LMAN1: variants seen among roughly 807,000 people sequenced by gnomAD.
The protein encoded by LMAN1 is protein ERGIC-53.
A neutral mutation model predicts 67.8 loss-of-function variants in LMAN1; 32 were observed. The observed-to-expected ratio is 0.47, with a 90% CI of 0.36 to 0.63. LMAN1 has a LOEUF of 0.63. LMAN1 is among the 30% of genes least tolerant of loss of function. The pLI is 0.00. For synonymous variants in LMAN1, 235 were observed against 219.3 expected, an observed-to-expected ratio of 1.07 and a Z score of -0.63; for missense variants, 632 against 628.2, an observed-to-expected ratio of 1.01 and a Z score of -0.06.
intron 1 of LMAN1, among the ~76,000 whole-genome samples, chr18:59,358,663 T>A (rs937654727): frequency 1.3e-5 from 2 of 151,958 alleles, no homozygotes; most frequent in Admixed American, 1.3e-4. Context: ...GTAGGGCACA[T>A]TTCTCCTAGA....
chr18:59,334,307 A>G (rs764260542), intron 10 of LMAN1, among the ~76,000 whole-genome samples: 3 of 152,184 alleles, frequency 2.0e-5, no homozygotes, highest in African/African-American at 4.8e-5. Context: ...CATTTATTTC[A>G]TAAGTGCTGT....
At chr18:59,336,299 G>C (rs963488417) in intron 10 of LMAN1, among the ~76,000 whole-genome samples, 5 of 152,158 alleles carry the variant, frequency 3.3e-5, no homozygotes, top group African/African-American at 1.2e-4. Flanking sequence ...GAAAATACAA[G>C]ATGACCCTAG....
At chr18:59,335,333 T>C (rs1205905857) in intron 10 of LMAN1, among the ~76,000 whole-genome samples, 1 of 150,824 alleles carries the variant, frequency 6.6e-6, no homozygotes, top group Non-Finnish European at 1.5e-5. Flanking sequence ...GGCGGGAGGC[T>C]GAGGCAGAAG....
Position 59,328,911 on chromosome 18 carries a change from G to C in LMAN1, c.*2182C>G, listed in dbSNP as rs1218310250. On this transcript the variant is annotated 3_prime_UTR_variant, in exon 13 of 13. Coordinates refer to ENST00000251047, the MANE Select transcript of LMAN1 (RefSeq NM_005570.4). ...TTTTCCTTTTAAAAGTGGCATCATAGACACAATGACTTACATAAAAATTTT... is the reference window on the plus strand; with the variant it reads ...TTTTCCTTTTAAAAGTGGCATCATACACACAATGACTTACATAAAAATTTT... The C allele has an allele frequency of 1.3e-5, 2 of 152,146 alleles. No homozygotes were observed. The highest frequency in any genetic ancestry group is 2.4e-5 in the African/African-American group (1 of 41,426). 9.4% of individuals were successfully genotyped at this position (152,146 alleles called of 1,614,324 possible). A position where few individuals can be genotyped will look rare whatever the true frequency, so the allele number is the denominator to read the frequency against.
At position 59,354,561 on chromosome 18, in the gene LMAN1, A is replaced by G; in HGVS notation, c.497T>C (p.Val166Ala). Residue 166 changes from valine (V) to alanine (A), a missense_variant, in exon 4 of 13, where the codon GTA becomes GCA. Coordinates refer to ENST00000251047, the MANE Select transcript of LMAN1 (RefSeq NM_005570.4). ...GATTTGTCCATTGTTGCCTATAATT[A>G]CTATAGCAGGATTATTTTTCTAAAA... ...NDGKKNNPAIVIIGNNGQIHY... is the reference protein window; with the variant it reads ...NDGKKNNPAIAIIGNNGQIHY... 6.7e-7 allele frequency: 1 copy of G among 1,493,516 alleles called. No homozygotes were observed. Among genetic ancestry groups the G allele is most frequent in the Non-Finnish European group, 9.3e-7 (1 of 1,072,514 alleles). 92.5% of individuals were successfully genotyped at this position (1,493,516 alleles called of 1,614,324 possible). A position where few individuals can be genotyped will look rare whatever the true frequency, so the allele number is the denominator to read the frequency against.
chr18:59,348,276 C>T (rs41511147), intron 6 of LMAN1, among the ~76,000 whole-genome samples: 2,019 of 152,270 alleles, frequency 0.013, 51 homozygotes, highest in African/African-American at 0.046. Context: ...ACTGTTTTTA[C>T]GGAATCTAGA....
chr18:59,330,448 T>C lies in LMAN1; in HGVS notation c.*645A>G, dbSNP rs767296743. Reference sequence around the variant, plus strand: ...GGAATGTTTCCACCCACAAGGTTTTTTAGGCAAAAAGCAGCTATTAATTTT... The same window carrying C: ...GGAATGTTTCCACCCACAAGGTTTTCTAGGCAAAAAGCAGCTATTAATTTT... On this transcript the variant is annotated 3_prime_UTR_variant, in exon 13 of 13. Transcript: ENST00000251047. The C allele has an allele frequency of 6.6e-6, 1 of 152,442 alleles. No homozygotes were observed. Among genetic ancestry groups the C allele is most frequent in the Admixed American group, 6.5e-5 (1 of 15,272 alleles). 9.4% of individuals were successfully genotyped at this position (152,442 alleles called of 1,614,324 possible).
chr18:59,338,675 G>A, intron 9 of LMAN1, 48 bp from the exon 10 acceptor site: 2 of 1,602,594 alleles, frequency 1.2e-6, no homozygotes, highest in Admixed American at 3.3e-5. Context: ...CACATTCTAT[G>A]AGCACATAGT....
chr18:59,349,548 C>A (rs980375609), intron 5 of LMAN1, among the ~76,000 whole-genome samples: 4 of 152,132 alleles, frequency 2.6e-5, no homozygotes, highest in African/African-American at 9.7e-5. Flanking sequence ...ATGGTTCATG[C>A]AGCAGAGGGA....
chr18:59,359,135 G>C lies in LMAN1; in HGVS notation c.110C>G (p.Pro37Arg), dbSNP rs1908737329. 1 of 1,614,110 alleles carries C rather than the reference G, an allele frequency of 6.2e-7. No individual in the cohort carries two copies. Among genetic ancestry groups the C allele is most frequent in the African/African-American group, 1.3e-5 (1 of 75,056 alleles). The change falls in exon 1 of 13, where the codon CCC (proline) becomes CGC (arginine). Residue 37 changes from proline (P) to arginine (R), a missense_variant. Coordinates refer to ENST00000251047, the MANE Select transcript of LMAN1 (RefSeq NM_005570.4). ...ACGGCGATGTGGCAACGCGACCGCGGGGTCTCCTCCCACGCCGTCGCCCCG... is the reference window on the plus strand; with the variant it reads ...ACGGCGATGTGGCAACGCGACCGCGCGGTCTCCTCCCACGCCGTCGCCCCG... ...FVRGDGVGGD[P>R]AVALPHRRFE...
Position 59,333,212 on chromosome 18 carries a change from C to G in LMAN1, c.1253G>C (p.Ser418Thr), listed in dbSNP as rs767237105. 29 of 1,613,512 alleles carry G rather than the reference C, an allele frequency of 1.8e-5. No individual in the cohort carries two copies. Among genetic ancestry groups the G allele is most frequent in the Non-Finnish European group, 2.3e-5 (27 of 1,179,748 alleles). ...NSMSETVRLV[S>T]GMQHPGSAGG... Reference sequence around the variant, plus strand: ...AGCAGAGCCAGGGTGCTGCATTCCACTGACCAGTCTGACGGTTTCACTCAT... The same window carrying G: ...AGCAGAGCCAGGGTGCTGCATTCCAGTGACCAGTCTGACGGTTTCACTCAT... Residue 418 changes from serine (S) to threonine (T), a missense_variant, in exon 11 of 13, where the codon AGT becomes ACT. Transcript: ENST00000251047.
chr18:59,343,250 C>G (rs1908328318), intron 8 of LMAN1, among the ~76,000 whole-genome samples: 1 of 151,402 alleles, frequency 6.6e-6, no homozygotes, highest in Admixed American at 6.6e-5. Flanking sequence ...GTTCTAGACA[C>G]TCCCAATCAA....
intron 8 of LMAN1, among the ~76,000 whole-genome samples, chr18:59,344,551 T>A (rs1016777518): frequency 1.3e-5 from 2 of 152,134 alleles, no homozygotes; most frequent in South Asian, 2.1e-4. Context: ...CCAAGTGAAA[T>A]GACTTAGAAA....
chr18:59,334,440 TGCATTTA>T (rs1175544434), intron 10 of LMAN1, among the ~76,000 whole-genome samples: 1 of 152,194 alleles, frequency 6.6e-6, no homozygotes, highest in Admixed American at 6.5e-5. Flanking sequence ...CAAAGAAAGA[TGCATTTA>T]GCTGAGTGTC....
At chr18:59,350,395 C>T (rs772132132) in intron 5 of LMAN1, among the ~76,000 whole-genome samples, 6 of 152,160 alleles carry the variant, frequency 3.9e-5, no homozygotes, top group Non-Finnish European at 8.8e-5. Flanking sequence ...ATTCAAATTA[C>T]AATACTAAAA....
At chr18:59,333,308 T>G (rs2144209409) in intron 10 of LMAN1, 64 bp from the exon 11 acceptor site, 2 of 1,243,764 alleles carry the variant, frequency 1.6e-6, no homozygotes, top group East Asian at 4.9e-5. Context: ...CAGTCACAGA[T>G]CTCCAATACT....
In LMAN1 at chr18:59,331,535, G is replaced by C; in HGVS notation, c.1379C>G (p.Ser460Ter). ...IDNLVQRNMP[S>*]NEKPKCPELP... ...TTCTGGGCATTTCGGCTTTTCATTTGATGGCTGTAAGGCAAATGACTTTCT... is the reference window on the plus strand; with the variant it reads ...TTCTGGGCATTTCGGCTTTTCATTTCATGGCTGTAAGGCAAATGACTTTCT... Residue 460 changes from serine (S) to a stop codon, truncating the protein, a stop_gained, in exon 12 of 13, where the codon TCA becomes TGA. Coordinates refer to ENST00000251047, the MANE Select transcript of LMAN1 (RefSeq NM_005570.4). LOFTEE classifies it high-confidence loss of function. 6.2e-7 allele frequency: 1 copy of C among 1,613,148 alleles called. No homozygotes were observed. The highest frequency in any genetic ancestry group is 1.1e-5 in the South Asian group (1 of 91,062).
In LMAN1 at chr18:59,345,958, C is replaced by T; in HGVS notation, c.916G>A (p.Glu306Lys). 6.2e-7 allele frequency: 1 copy of T among 1,613,900 alleles called. No individual in the cohort carries two copies. The highest frequency in any genetic ancestry group is 1.3e-5 in the African/African-American group (1 of 74,978). The change falls in exon 8 of 13, where the codon GAA becomes AAA. Residue 306 changes from glutamate (E) to lysine (K), a missense_variant. By Grantham distance (56) the Glu-to-Lys change is moderately conservative. Coordinates refer to ENST00000251047, the MANE Select transcript of LMAN1 (RefSeq NM_005570.4). Reference protein sequence around the residue: ...FQQELDKKKEEFQKGHPDLQG... With the variant: ...FQQELDKKKEKFQKGHPDLQG... ...AGGTCGGGGTGGCCCTTCTGGAATT[C>T]CTCTTTTTTTTTATCCAATTCTTGT...
rs756418839 is a variant in LMAN1 at position 59,338,611 on chromosome 18, A to G, written c.1166T>C (p.Leu389Pro). ...ATGCTGAGTTTTCACAACAGTATCC[A>G]GTTCTTGTTGAGTAATCTGGAGGAA... ...GQHGQITQQE[L>P]DTVVKTQHEI... Residue 389 changes from leucine to proline, a missense_variant, in exon 10 of 13, where the codon CTG becomes CCG. Coordinates refer to ENST00000251047, the MANE Select transcript of LMAN1 (RefSeq NM_005570.4). The G allele has an allele frequency of 1.9e-6, 3 of 1,613,646 alleles. No individual in the cohort carries two copies. The Admixed American group carries it at 5.0e-5, about 27-fold the overall frequency.
Sources: allele counts gnomAD v4.1 joint callset (sites outside exome capture counted in the v4.1 genomes callset), GRCh38; gene constraint gnomAD v4.1.1; transcripts MANE v1.5; gene names NCBI Gene and HGNC (gene_info 2026-07-23, HGNC 2026-07-21).